The following KCNMA1 variants were observed in gnomAD, a reference collection of about 807,000 sequenced individuals.
KCNMA1 encodes Calcium-activated potassium channel subunit alpha-1.
Under a neutral mutation model 140.0 loss-of-function variants are expected in KCNMA1, and 29 were observed. That is an observed-to-expected ratio of 0.21 (90% CI 0.15 to 0.28). The LOEUF (loss-of-function observed/expected upper bound fraction) is 0.28. Among genes scored for constraint, KCNMA1 ranks in the 10% least tolerant of loss-of-function variants. The probability of loss-of-function intolerance (pLI) is 1.00; values close to 1 mark genes in which losing one functional copy is unlikely to be tolerated. For missense variants in KCNMA1, 880 were observed against 1,602.2 expected (o/e 0.55, Z 7.70); for synonymous variants, 612 against 611.9 (o/e 1.00, Z 0.00).
intron 1 of KCNMA1, among the ~76,000 whole-genome samples, chr10:77,604,768 G>A (rs1353259403): frequency 1.3e-5 from 2 of 151,838 alleles, no homozygotes; most frequent in Admixed American, 6.6e-5. Context: ...CATAAACCAG[G>A]CTATCATTCC....
intron 19 of KCNMA1, among the ~76,000 whole-genome samples, chr10:76,985,847 T>C (rs139770520): frequency 6.6e-6 from 1 of 152,322 alleles, no homozygotes; most frequent in Non-Finnish European, 1.5e-5. Context: ...AGAAATAAAG[T>C]GTAGCCTGTG....
intron 1 of KCNMA1, among the ~76,000 whole-genome samples, chr10:77,516,536 G>A (rs2050521508): frequency 6.6e-6 from 1 of 152,210 alleles, no homozygotes; most frequent in South Asian, 2.1e-4. Flanking sequence ...CCCATGGTAG[G>A]TGCACAGTAA....
downstream of KCNMA1, among the ~76,000 whole-genome samples, chr10:76,883,051 G>A (rs2035301769): frequency 1.3e-5 from 2 of 152,124 alleles, no homozygotes; most frequent in South Asian, 4.1e-4. Flanking sequence ...TTCCCATGCT[G>A]CAGAAGAGCC....
In KCNMA1 at chr10:76,970,239, A is replaced by C. The variant is rs185743243; in HGVS notation, c.2267-172T>G. 38 of 652,932 alleles carry C rather than the reference A, an allele frequency of 5.8e-5. No homozygotes were observed. The Admixed American group carries it at 6.9e-4, about 12-fold the overall frequency. The allele number at this position is 652,932 out of a possible 1,614,324, so 40.4% of individuals were successfully genotyped here. On this transcript the variant is annotated intron_variant, in intron 19 of 27. Coordinates refer to ENST00000286628, the MANE Select transcript of KCNMA1 (RefSeq NM_001161352.2). ...ATGTGTTAGTCAAAGAGGCCGGCTT[A>C]GAGAAGGTGAAGGCAACACCTCTTT...
At chr10:77,366,098 T>C (rs1038196882) in intron 2 of KCNMA1, among the ~76,000 whole-genome samples, 4 of 152,238 alleles carry the variant, frequency 2.6e-5, no homozygotes, top group African/African-American at 4.8e-5. Flanking sequence ...TCAGGTACTA[T>C]GCATGTTCTT....
At chr10:77,251,172 A>G in intron 3 of KCNMA1, 23 bp downstream of exon 3, 7 of 1,570,578 alleles carry the variant, frequency 4.5e-6, no homozygotes, top group Non-Finnish European at 6.1e-6. Context: ...AACGAGGGCA[A>G]GAAAGTATAT....
chr10:77,396,094 C>T (rs1343509128), intron 2 of KCNMA1, among the ~76,000 whole-genome samples: 2 of 152,154 alleles, frequency 1.3e-5, no homozygotes, highest in East Asian at 3.9e-4. Flanking sequence ...TTCCTTTAAA[C>T]AGAAGCCTCC....
intron 1 of KCNMA1, among the ~76,000 whole-genome samples, chr10:77,590,326 G>A (rs1312629422): frequency 3.3e-5 from 5 of 152,228 alleles, no homozygotes; most frequent in Non-Finnish European, 5.9e-5. Context: ...GCGCCGTGGA[G>A]CAGGGGGCGG....
At chr10:77,278,399 A>G (rs2067312856) in intron 2 of KCNMA1, among the ~76,000 whole-genome samples, 1 of 152,252 alleles carries the variant, frequency 6.6e-6, no homozygotes, top group African/African-American at 2.4e-5. Context: ...CAGTTTGGCT[A>G]GAATGGCTGG....
chr10:77,046,495 G>C (rs1288163999), intron 14 of KCNMA1, among the ~76,000 whole-genome samples: 4 of 152,126 alleles, frequency 2.6e-5, no homozygotes, highest in Admixed American at 2.0e-4. Flanking sequence ...TACTAAAATG[G>C]ATGGGGGGTC....
At chr10:77,029,645 T>C (rs1668210925) in intron 15 of KCNMA1, among the ~76,000 whole-genome samples, 1 of 151,896 alleles carries the variant, frequency 6.6e-6, no homozygotes, top group Non-Finnish European at 1.5e-5. Flanking sequence ...ATATAAAGAG[T>C]AACTCAGAAG....
intron 1 of KCNMA1, among the ~76,000 whole-genome samples, chr10:77,607,992 C>T (rs1320048122): frequency 6.6e-6 from 1 of 152,098 alleles, no homozygotes; most frequent in African/African-American, 2.4e-5. Flanking sequence ...CTCTTTCCTC[C>T]ATCCTCTTTC....
At chr10:77,471,536 CACACTACACACACACCAT>C (rs2098151180) in intron 1 of KCNMA1, among the ~76,000 whole-genome samples, 1 of 151,234 alleles carries the variant, frequency 6.6e-6, no homozygotes, top group Non-Finnish European at 1.5e-5. Context: ...ACACACAGCA[CACACTACACACACACCAT>C]ACACTGCACA....
intron 5 of KCNMA1, among the ~76,000 whole-genome samples, chr10:77,151,430 G>T (rs552915398): frequency 9.5e-4 from 143 of 150,268 alleles, no homozygotes; most frequent in African/African-American, 3.4e-3. Context: ...GTTTCACCAT[G>T]TTGGTCAGGA....
intron 16 of KCNMA1, among the ~76,000 whole-genome samples, chr10:77,021,796 C>G (rs772953891): frequency 3.6e-4 from 55 of 152,238 alleles, no homozygotes; most frequent in South Asian, 8.3e-4. Flanking sequence ...AGATACTAAG[C>G]TAAGGCTAAG....
chr10:77,484,955 C>T (rs191780092), intron 1 of KCNMA1, among the ~76,000 whole-genome samples: 270 of 152,272 alleles, frequency 1.8e-3, no homozygotes, highest in African/African-American at 5.6e-3. Flanking sequence ...TGCACAAAAT[C>T]GCTCCAAGAA....
At chr10:77,125,058 C>G (rs2097703570) in intron 5 of KCNMA1, among the ~76,000 whole-genome samples, 1 of 152,144 alleles carries the variant, frequency 6.6e-6, no homozygotes, top group Admixed American at 6.5e-5. Context: ...ATCACGAGAA[C>G]AGCAGCATGG....
At chr10:77,446,846 C>T (rs2097538055) in intron 1 of KCNMA1, among the ~76,000 whole-genome samples, 1 of 152,240 alleles carries the variant, frequency 6.6e-6, no homozygotes. Flanking sequence ...CATATTGGCA[C>T]TTCCTTACAA....
chr10:76,956,389 A>T (rs1184196208), intron 20 of KCNMA1, among the ~76,000 whole-genome samples: 1 of 152,090 alleles, frequency 6.6e-6, no homozygotes, highest in Non-Finnish European at 1.5e-5. Flanking sequence ...GCCACACTAC[A>T]CTCTACTCCC....
Sources: allele counts gnomAD v4.1 joint callset (sites outside exome capture counted in the v4.1 genomes callset), GRCh38; gene constraint gnomAD v4.1.1; transcripts MANE v1.5; gene names NCBI Gene and HGNC (gene_info 2026-07-23, HGNC 2026-07-21).